Variants in ZNF385B observed in about 807,000 individuals in gnomAD.
The protein encoded by ZNF385B is zinc finger protein 385B, also known as zinc finger protein 533.
Under a neutral mutation model 39.2 loss-of-function variants are expected in ZNF385B, and 23 were observed. The ratio of observed to expected loss-of-function variants is 0.59; its 90% confidence interval spans 0.42 to 0.83. The LOEUF (loss-of-function observed/expected upper bound fraction) is 0.83, where lower values mean the gene tolerates loss of function less well. Ranked by LOEUF, ZNF385B falls within the 40% of genes least tolerant of loss-of-function variation. The pLI is 0.00. For missense variants in ZNF385B, 552 were observed against 598.9 expected (o/e 0.92, Z 0.82); for synonymous variants, 205 against 222.6 (o/e 0.92, Z 0.70).
At chr2:179,546,283 A>G (rs2060228524) in intron 3 of ZNF385B, among the ~76,000 whole-genome samples, 1 of 151,998 alleles carries the variant, frequency 6.6e-6, no homozygotes, top group South Asian at 2.1e-4. Context: ...GCAACCCATC[A>G]GTCTCGACCT....
chr2:179,504,189 C>G (rs2057032670), intron 5 of ZNF385B, among the ~76,000 whole-genome samples: 2 of 151,814 alleles, frequency 1.3e-5, no homozygotes, highest in South Asian at 4.2e-4. Flanking sequence ...ATCCATGTCC[C>G]TACAAAGGAC....
At chr2:179,837,323 A>C (rs1486232) in intron 1 of ZNF385B, among the ~76,000 whole-genome samples, 16,918 of 152,232 alleles carry the variant, frequency 0.11, 1,125 homozygotes, top group African/African-American at 0.19. Context: ...CTTGGATTTT[A>C]TTTCTTTTAT....
At chr2:179,792,837 G>T (rs1318357757) in intron 1 of ZNF385B, among the ~76,000 whole-genome samples, 1 of 152,330 alleles carries the variant, frequency 6.6e-6, no homozygotes, top group Admixed American at 6.5e-5. Context: ...AAGGGAAAGG[G>T]AAAGGGAAGA....
At chr2:179,816,675 C>T (rs529028246) in intron 1 of ZNF385B, among the ~76,000 whole-genome samples, 19 of 152,202 alleles carry the variant, frequency 1.2e-4, no homozygotes, top group Middle Eastern at 3.4e-3. Context: ...GTCCTAGGTA[C>T]GGTTTCCTAA....
chr2:179,799,293 A>G (rs559484211), intron 1 of ZNF385B, among the ~76,000 whole-genome samples: 1 of 152,074 alleles, frequency 6.6e-6, no homozygotes, highest in Non-Finnish European at 1.5e-5. Context: ...TCAAGCTTTC[A>G]TTTAAGGCAT....
intron 3 of ZNF385B, among the ~76,000 whole-genome samples, chr2:179,697,905 G>T (rs1698888187): frequency 6.6e-6 from 1 of 152,136 alleles, no homozygotes; most frequent in Non-Finnish European, 1.5e-5. Context: ...CATGGATGAA[G>T]CTGGAAACCA....
chr2:179,465,789 T>C (rs2051936653), intron 6 of ZNF385B, among the ~76,000 whole-genome samples: 1 of 152,204 alleles, frequency 6.6e-6, no homozygotes, highest in Non-Finnish European at 1.5e-5. Flanking sequence ...CATACCTTTA[T>C]AATCCTCTTC....
chr2:179,769,394 T>C (rs767864795), intron 3 of ZNF385B, 109 bp downstream of exon 3: 44 of 1,492,104 alleles, frequency 2.9e-5, no homozygotes, highest in Admixed American at 6.1e-5. Flanking sequence ...CATGTTATCA[T>C]GGTAGCCCAG....
chr2:179,697,100 C>T (rs1366956083), intron 3 of ZNF385B, among the ~76,000 whole-genome samples: 1 of 152,140 alleles, frequency 6.6e-6, no homozygotes, highest in African/African-American at 2.4e-5. Context: ...AGTGTCCCCA[C>T]CCCTTGAAGT....
At chr2:179,611,077 G>A (rs1689249162) in intron 3 of ZNF385B, among the ~76,000 whole-genome samples, 1 of 152,126 alleles carries the variant, frequency 6.6e-6, no homozygotes, top group Non-Finnish European at 1.5e-5. Flanking sequence ...CCAGTACTAT[G>A]TTGAATAACA....
chr2:179,617,395 C>T (rs1689842331), intron 3 of ZNF385B, among the ~76,000 whole-genome samples: 1 of 152,128 alleles, frequency 6.6e-6, no homozygotes, highest in African/African-American at 2.4e-5. Flanking sequence ...CTAGTACCAC[C>T]TGATTGGGTT....
intron 3 of ZNF385B, among the ~76,000 whole-genome samples, chr2:179,751,212 T>C (rs1006411462): frequency 8.2e-6 from 1 of 122,416 alleles, no homozygotes; most frequent in Middle Eastern, 4.5e-3. Flanking sequence ...GCATACAAGG[T>C]GCTCAGTCTT....
At chr2:179,569,216 A>G (rs1169220596) in intron 3 of ZNF385B, among the ~76,000 whole-genome samples, 1 of 152,160 alleles carries the variant, frequency 6.6e-6, no homozygotes. Context: ...CCATACTTTT[A>G]CCACTATGTT....
Position 179,473,300 on chromosome 2 carries a change from G to A in ZNF385B, c.715+9972C>T, listed in dbSNP as rs957119555. On this transcript the variant is annotated intron_variant, in intron 6 of 9. Coordinates refer to ENST00000410066, the MANE Select transcript of ZNF385B (RefSeq NM_152520.6). ...TGAGGCAAGAAAACAAGTACATAAAGAGGAATGTAAGTGCAGGTCACTGTT... is the reference window on the plus strand; with the variant it reads ...TGAGGCAAGAAAACAAGTACATAAAAAGGAATGTAAGTGCAGGTCACTGTT... 5.3e-5 allele frequency among the ~76,000 whole-genome samples: 8 copies of A among 152,180 alleles called. 1 individual carries two copies. Among genetic ancestry groups the A allele is most frequent in the Admixed American group, 3.9e-4 (6 of 15,268 alleles).
intron 3 of ZNF385B, among the ~76,000 whole-genome samples, chr2:179,762,520 C>A (rs1703464188): frequency 6.6e-6 from 1 of 152,046 alleles, no homozygotes; most frequent in Non-Finnish European, 1.5e-5. Flanking sequence ...AAATGGTAAG[C>A]CAGTTTTGCA....
At chr2:179,743,352 C>T (rs1164325071) in intron 3 of ZNF385B, among the ~76,000 whole-genome samples, 2 of 151,974 alleles carry the variant, frequency 1.3e-5, no homozygotes, top group Non-Finnish European at 2.9e-5. Context: ...TCTAAAAACA[C>T]AAAATTGTTT....
chr2:179,754,224 C>A (rs938356862), intron 3 of ZNF385B, among the ~76,000 whole-genome samples: 1 of 152,202 alleles, frequency 6.6e-6, no homozygotes, highest in East Asian at 1.9e-4. Flanking sequence ...TGTTTATATG[C>A]TGTATTACAT....
chr2:179,682,997 A>G (rs920226340), intron 3 of ZNF385B, among the ~76,000 whole-genome samples: 1 of 152,086 alleles, frequency 6.6e-6, no homozygotes, highest in Non-Finnish European at 1.5e-5. Context: ...CGTAATATAA[A>G]CCAATAATAG....
At chr2:179,773,535 C>A (rs1212744673) in intron 1 of ZNF385B, among the ~76,000 whole-genome samples, 4 of 152,224 alleles carry the variant, frequency 2.6e-5, no homozygotes. Context: ...CCTCTGCACT[C>A]CTGAGGCATT....
Sources: allele counts gnomAD v4.1 joint callset (sites outside exome capture counted in the v4.1 genomes callset), GRCh38; gene constraint gnomAD v4.1.1; transcripts MANE v1.5; gene names NCBI Gene and HGNC (gene_info 2026-07-23, HGNC 2026-07-21).